The following NR1D2 variants were observed in gnomAD, a reference collection of about 807,000 sequenced individuals.
NR1D2 encodes the protein nuclear receptor subfamily 1 group D member 2.
A neutral mutation model predicts 52.2 loss-of-function variants in NR1D2; 25 were observed. The ratio of observed to expected loss-of-function variants is 0.48; its 90% confidence interval spans 0.35 to 0.67. The LOEUF (loss-of-function observed/expected upper bound fraction) is 0.67. Among genes scored for constraint, NR1D2 ranks in the 30% least tolerant of loss-of-function variants. The pLI, the probability that NR1D2 is intolerant of heterozygous loss-of-function variation, is 0.01. For synonymous variants in NR1D2, 259 were observed against 230.1 expected, an observed-to-expected ratio of 1.13 and a Z score of -1.14; for missense variants, 681 against 707.2, an observed-to-expected ratio of 0.96 and a Z score of 0.42.
At chr3:23,966,009 C>T (rs1706440271) in intron 6 of NR1D2, among the ~76,000 whole-genome samples, 1 of 152,188 alleles carries the variant, frequency 6.6e-6, no homozygotes, top group Non-Finnish European at 1.5e-5. Context: ...ACACTGTATC[C>T]TGCTTGGGCT....
intron 1 of NR1D2, chr3:23,946,241 C>T (rs1286664678): frequency 2.8e-5 from 28 of 985,334 alleles, no homozygotes; most frequent in Non-Finnish European, 3.3e-5. Flanking sequence ...ACGCCGCACG[C>T]TCTTTTCGCG....
intron 3 of NR1D2, among the ~76,000 whole-genome samples, 169 bp from the exon 4 acceptor site, chr3:23,959,502 G>A (rs970650081): frequency 6.6e-6 from 1 of 152,070 alleles, no homozygotes; most frequent in African/African-American, 2.4e-5. Flanking sequence ...TAAATTCTGT[G>A]TGTCAACATT....
In NR1D2 at chr3:23,956,106, A is replaced by T; in HGVS notation, c.353A>T (p.His118Leu). ...DVASGFHYGV[H>L]ACEGCKGFFR... ...GCGTCAGGATTCCACTATGGAGTTCATGCTTGCGAAGGCTGTAAGGTAAAG... is the reference window on the plus strand; with the variant it reads ...GCGTCAGGATTCCACTATGGAGTTCTTGCTTGCGAAGGCTGTAAGGTAAAG... Residue 118 changes from histidine to leucine, a missense_variant, in exon 3 of 8, where the codon CAT becomes CTT. By Grantham distance (99) the His-to-Leu change is moderately conservative. Transcript: ENST00000312521. 2.5e-6 allele frequency: 4 copies of T among 1,613,748 alleles called. No homozygotes were observed. Among genetic ancestry groups the T allele is most frequent in the Non-Finnish European group, 3.4e-6 (4 of 1,179,674 alleles).
At chr3:23,947,361 C>T (rs1018550846) in intron 1 of NR1D2, among the ~76,000 whole-genome samples, 1 of 152,204 alleles carries the variant, frequency 6.6e-6, no homozygotes, top group African/African-American at 2.4e-5. Context: ...GTTGACCATC[C>T]CCTTCCCCCT....
At chr3:23,973,959 C>T (rs867335124) in intron 7 of NR1D2, among the ~76,000 whole-genome samples, 10 of 152,064 alleles carry the variant, frequency 6.6e-5, no homozygotes, top group Non-Finnish European at 1.5e-4. Flanking sequence ...TTTTGTTCTA[C>T]TGGAAGGTCT....
chr3:23,971,070 C>T (rs1385028472), intron 7 of NR1D2, among the ~76,000 whole-genome samples: 2 of 152,022 alleles, frequency 1.3e-5, no homozygotes, highest in African/African-American at 4.8e-5. Flanking sequence ...CATGAGCCAC[C>T]GTGCCCGGCC....
intron 4 of NR1D2, among the ~76,000 whole-genome samples, chr3:23,961,112 A>T (rs1412614722): frequency 2.7e-5 from 4 of 149,626 alleles, no homozygotes; most frequent in East Asian, 3.9e-4. Context: ...TTTTTTAAGG[A>T]TTTTTTTTTT....
chr3:23,966,902 T>C (rs1484615729), intron 6 of NR1D2, among the ~76,000 whole-genome samples: 1 of 152,012 alleles, frequency 6.6e-6, no homozygotes, highest in Non-Finnish European at 1.5e-5. Flanking sequence ...TGGTGGTATG[T>C]ATTTGTATTC....
At chr3:23,969,584 G>T (rs566987088) in intron 7 of NR1D2, among the ~76,000 whole-genome samples, 7 of 152,164 alleles carry the variant, frequency 4.6e-5, no homozygotes, top group African/African-American at 1.2e-4. Flanking sequence ...CAGATTAATC[G>T]ATTATTTTGA....
intron 3 of NR1D2, among the ~76,000 whole-genome samples, chr3:23,956,380 G>C (rs979829978): frequency 6.6e-6 from 1 of 152,114 alleles, no homozygotes; most frequent in African/African-American, 2.4e-5. Context: ...TACTTATTGT[G>C]TTAAACCAAG....
chr3:23,963,108 T>C, intron 5 of NR1D2: 2 of 342,046 alleles, frequency 5.8e-6, no homozygotes, highest in African/African-American at 2.2e-5. Flanking sequence ...GTATTTTAAT[T>C]TCATAGGCTA....
At chr3:23,973,112 T>A in intron 7 of NR1D2, among the ~76,000 whole-genome samples, 1 of 152,236 alleles carries the variant, frequency 6.6e-6, no homozygotes, top group East Asian at 1.9e-4. Flanking sequence ...ATCAGTTGTT[T>A]CTTTCTTTGC....
intron 1 of NR1D2, among the ~76,000 whole-genome samples, chr3:23,950,902 C>CTTTTTTTTTTTTTTTTT (rs1181448290): frequency 1.3e-4 from 16 of 123,100 alleles, no homozygotes; most frequent in Non-Finnish European, 1.7e-4. Flanking sequence ...CTTTCTTTTT[C>CTTTTTTTTTTTTTTTTT]TTTTTTTTTT....
At chr3:23,964,953 GT>G (rs1706398781) in intron 5 of NR1D2, 23 bp from the exon 6 acceptor site, 1 of 1,518,482 alleles carries the variant, frequency 6.6e-7, no homozygotes, top group Non-Finnish European at 9.0e-7. Flanking sequence ...GTATTTAAGA[GT>G]TTTTCCGTTT....
chr3:23,949,593 G>C (rs970012983), intron 1 of NR1D2, among the ~76,000 whole-genome samples: 5 of 152,162 alleles, frequency 3.3e-5, no homozygotes, highest in East Asian at 3.8e-4. Flanking sequence ...TGGCCTATAA[G>C]GCATTTTAGG....
chr3:23,957,423 T>C (rs1197879085), intron 3 of NR1D2, among the ~76,000 whole-genome samples: 1 of 126,504 alleles, frequency 7.9e-6, no homozygotes, highest in African/African-American at 3.3e-5. Flanking sequence ...TTTACAAAAA[T>C]GTGAAGTAAT....
chr3:23,966,674 A>G (rs938824426), intron 6 of NR1D2, among the ~76,000 whole-genome samples: 3 of 152,246 alleles, frequency 2.0e-5, no homozygotes, highest in South Asian at 2.1e-4. Context: ...ATGAGTGGCT[A>G]GAATTTCTTT....
chr3:23,950,968 C>G (rs1298206910), intron 1 of NR1D2, among the ~76,000 whole-genome samples: 1 of 141,964 alleles, frequency 7.0e-6, no homozygotes, highest in Non-Finnish European at 1.5e-5. Flanking sequence ...TGCAATGGTG[C>G]CATCTCGGCT....
chr3:23,970,850 C>G (rs1439800669), intron 7 of NR1D2, among the ~76,000 whole-genome samples: 2 of 152,096 alleles, frequency 1.3e-5, no homozygotes, highest in African/African-American at 2.4e-5. Flanking sequence ...GGCATGATCT[C>G]TGTTCACCGC....
Sources: allele counts gnomAD v4.1 joint callset (sites outside exome capture counted in the v4.1 genomes callset), GRCh38; gene constraint gnomAD v4.1.1; transcripts MANE v1.5; gene names NCBI Gene and HGNC (gene_info 2026-07-23, HGNC 2026-07-21).